CACNA1C: variants seen among roughly 807,000 people sequenced by gnomAD.
CACNA1C encodes the protein calcium voltage-gated channel subunit alpha1 C, also known as voltage-dependent L-type calcium channel subunit alpha-1C.
Under a neutral mutation model 229.0 loss-of-function variants are expected in CACNA1C, and 30 were observed. That is an observed-to-expected ratio of 0.13 (90% CI 0.10 to 0.18). The LOEUF is 0.18. Among genes scored for constraint, CACNA1C ranks in the 10% least tolerant of loss-of-function variants. The probability of loss-of-function intolerance (pLI) is 1.00; values close to 1 mark genes in which losing one functional copy is unlikely to be tolerated. For missense variants in CACNA1C, 1,658 were observed against 2,845.0 expected (o/e 0.58, Z 9.49); for synonymous variants, 1,114 against 1,132.5 (o/e 0.98, Z 0.33).
intron 39 of CACNA1C, among the ~76,000 whole-genome samples, chr12:2,675,620 T>C (rs748223968): frequency 6.6e-6 from 1 of 152,098 alleles, no homozygotes; most frequent in Non-Finnish European, 1.5e-5. Flanking sequence ...ATCCAAAGTA[T>C]AGTTTTCCTC....
chr12:2,565,432 AGT>A (rs1293080249), intron 11 of CACNA1C, among the ~76,000 whole-genome samples: 23 of 147,476 alleles, frequency 1.6e-4, no homozygotes, highest in Middle Eastern at 3.7e-3. Flanking sequence ...GCGCCACTGC[AGT>A]CCGCAGTCCG....
chr12:2,405,712 A>G (rs2098730590), intron 3 of CACNA1C, among the ~76,000 whole-genome samples: 1 of 152,196 alleles, frequency 6.6e-6, no homozygotes, highest in African/African-American at 2.4e-5. Context: ...TCACCCATTT[A>G]TGATAGAATT....
chr12:2,392,586 C>T (rs2098503929), intron 3 of CACNA1C, among the ~76,000 whole-genome samples: 2 of 152,178 alleles, frequency 1.3e-5, no homozygotes, highest in African/African-American at 4.8e-5. Context: ...CCTCCCTGAG[C>T]TATTTTCCTT....
At chr12:2,199,320 A>G (rs1306980159) in intron 3 of CACNA1C, among the ~76,000 whole-genome samples, 1 of 152,110 alleles carries the variant, frequency 6.6e-6, no homozygotes, top group East Asian at 1.9e-4. Context: ...CACCCCTGAG[A>G]TGGCAAGACC....
At chr12:2,484,858 A>C (rs1201345420) in intron 5 of CACNA1C, among the ~76,000 whole-genome samples, 1 of 151,848 alleles carries the variant, frequency 6.6e-6, no homozygotes, top group Non-Finnish European at 1.5e-5. Context: ...GGGAGGCTGC[A>C]AGCACTCTTA....
chr12:2,405,758 A>T (rs902278513), intron 3 of CACNA1C, among the ~76,000 whole-genome samples: 1 of 152,226 alleles, frequency 6.6e-6, no homozygotes, highest in African/African-American at 2.4e-5. Context: ...TGAGAAATGC[A>T]TGTGTTACGA....
chr12:2,623,797 GC>G (rs2084723506), intron 29 of CACNA1C, among the ~76,000 whole-genome samples: 2 of 152,238 alleles, frequency 1.3e-5, no homozygotes, highest in South Asian at 4.2e-4. Context: ...AGTGACTCCA[GC>G]CCCTGGCTCA....
intron 9 of CACNA1C, among the ~76,000 whole-genome samples, chr12:2,545,307 G>A (rs991089470): frequency 7.0e-6 from 1 of 143,254 alleles, no homozygotes; most frequent in South Asian, 2.2e-4. Context: ...ACCATAGAAT[G>A]GTTGACATTG....
rs144122965 is a variant in CACNA1C at position 2,067,481 on chromosome 12, TGC to T, written c.49+13876_49+13877del. On this transcript the variant is annotated intron_variant, in intron 1 of 46. Coordinates refer to ENST00000399655, the MANE Select transcript of CACNA1C (RefSeq NM_000719.7). The surrounding 1 kb of genome is among the most constrained non-coding windows in gnomAD (Gnocchi z 5.3). ...GTGTGTGTGTGTGTGTGTGTGTGTG[TGC>T]GCGCGTGTGCGTGCCTGTATGTAAG... is the stretch of plus-strand genomic sequence containing the variant. Among the ~76,000 whole-genome samples the T allele has an allele frequency of 4.2e-3, 596 of 140,882 alleles. 2 individuals carry two copies. Among genetic ancestry groups the T allele is most frequent in the African/African-American group, 0.015 (556 of 36,752 alleles). 92.4% of individuals were successfully genotyped at this position (140,882 alleles called of 152,430 possible). A position where few individuals can be genotyped will look rare whatever the true frequency, so the allele number is the denominator to read the frequency against.
intron 9 of CACNA1C, among the ~76,000 whole-genome samples, chr12:2,514,711 T>C (rs778197624): frequency 1.3e-5 from 2 of 152,172 alleles, no homozygotes; most frequent in Non-Finnish European, 2.9e-5. Context: ...CGCGTGTTAT[T>C]GAAAACCTGC....
In CACNA1C at chr12:2,566,688, T is replaced by C. The variant is rs1600345859; in HGVS notation, c.1669+106T>C. ...AGAAGGTGGAGGGGAAAGCAGCCAA[T>C]GGTCGGGGCTCTTGGCAGGTGCTGT... On this transcript the variant is annotated intron_variant, in intron 12 of 46. Coordinates refer to ENST00000399655, the MANE Select transcript of CACNA1C (RefSeq NM_000719.7). This position sits in a 1 kb window ranked among gnomAD's most constrained non-coding sequence, Gnocchi z 4.0. 1.0e-6 allele frequency: 1 copy of C among 954,150 alleles called. No individual in the cohort carries two copies. Among genetic ancestry groups the C allele is most frequent in the East Asian group, 2.7e-5 (1 of 37,288 alleles). The allele number at this position is 954,150 out of a possible 1,614,324, so 59.1% of individuals were successfully genotyped here.
chr12:2,547,326 T>C, intron 9 of CACNA1C: 1 of 644,918 alleles, frequency 1.6e-6, no homozygotes, highest in Non-Finnish European at 2.8e-6. Context: ...TTTTCTGTGA[T>C]AAAAATGGAT....
chr12:2,104,657 A>G (rs146811945), intron 1 of CACNA1C, among the ~76,000 whole-genome samples: 2,503 of 152,304 alleles, frequency 0.016, 30 homozygotes, highest in South Asian at 0.038. Flanking sequence ...CCAGCTTTCA[A>G]AGGGAATGCT....
chr12:2,184,045 C>G (rs1379358756), intron 3 of CACNA1C, among the ~76,000 whole-genome samples: 1 of 152,208 alleles, frequency 6.6e-6, no homozygotes, highest in Non-Finnish European at 1.5e-5. Flanking sequence ...TTGGCCCAGT[C>G]TTTTTCTGCA....
chr12:2,598,291 G>T (rs1281147201), intron 21 of CACNA1C, among the ~76,000 whole-genome samples: 1 of 152,180 alleles, frequency 6.6e-6, no homozygotes, highest in Non-Finnish European at 1.5e-5. Context: ...TCTGCTAAGG[G>T]AACTGCTGCA....
chr12:2,068,961 C>G (rs1228470919), intron 1 of CACNA1C, among the ~76,000 whole-genome samples: 1 of 152,220 alleles, frequency 6.6e-6, no homozygotes, highest in African/African-American at 2.4e-5. Context: ...TCCAGATGGA[C>G]AGGGTTCCGC....
chr12:2,293,645 A>G (rs556314318), intron 3 of CACNA1C, among the ~76,000 whole-genome samples: 26 of 152,284 alleles, frequency 1.7e-4, no homozygotes, highest in African/African-American at 3.1e-4. Flanking sequence ...TCTCCTTCCA[A>G]TGTGGCCCAG....
At chr12:2,626,037 C>A (rs187045953) in intron 29 of CACNA1C, among the ~76,000 whole-genome samples, 11 of 152,354 alleles carry the variant, frequency 7.2e-5, no homozygotes, top group African/African-American at 2.6e-4. Context: ...AGCTGAGGCA[C>A]AGAGAAGTTA....
intron 3 of CACNA1C, among the ~76,000 whole-genome samples, chr12:2,238,044 T>G (rs2068153854): frequency 6.6e-6 from 1 of 152,196 alleles, no homozygotes; most frequent in Admixed American, 6.5e-5. Flanking sequence ...GAGGTTTGTT[T>G]AAAAGCCAAA....
Sources: gnomAD v4.1 joint callset for allele counts (sites outside exome capture counted in the v4.1 genomes callset) on GRCh38, gnomAD v4.1.1 for gene constraint, Gnocchi (gnomAD v3.1) non-coding constraint, MANE v1.5 for transcripts, NCBI Gene and HGNC (gene_info 2026-07-23, HGNC 2026-07-21) for gene names.